HTRA4: variants seen among roughly 807,000 people sequenced by gnomAD.
HTRA4 encodes HtrA serine peptidase 4, also known as serine protease HTRA4.
A neutral mutation model predicts 49.1 loss-of-function variants in HTRA4; 46 were observed. That is an observed-to-expected ratio of 0.94 (90% CI 0.74 to 1.20). The LOEUF (loss-of-function observed/expected upper bound fraction) is 1.20, where lower values mean the gene tolerates loss of function less well. Among genes scored for constraint, HTRA4 ranks in the 50% most tolerant of loss-of-function variants. HTRA4 has a pLI of 0.00. For synonymous variants in HTRA4, 261 were observed against 264.0 expected (o/e 0.99, Z 0.11); for missense variants, 602 against 636.9 (o/e 0.95, Z 0.59).
chr8:38,977,026 C>T (rs1018146549), intron 3 of HTRA4, among the ~76,000 whole-genome samples: 2 of 152,152 alleles, frequency 1.3e-5, no homozygotes, highest in East Asian at 3.9e-4. Context: ...ACCTCTGCCT[C>T]CTGGGTTCAA....
intron 3 of HTRA4, 68 bp from the exon 4 acceptor site, chr8:38,977,885 G>T: frequency 1.3e-6 from 2 of 1,520,618 alleles, no homozygotes; most frequent in Non-Finnish European, 1.8e-6. Context: ...CACACACTTT[G>T]GTCAATTCTG....
chr8:38,985,051 AG>A (rs1835468095), intron 8 of HTRA4, among the ~76,000 whole-genome samples: 1 of 152,232 alleles, frequency 6.6e-6, no homozygotes, highest in Non-Finnish European at 1.5e-5. Context: ...AGCTTCCAAA[AG>A]AAGGTTCTCC....
Position 38,974,236 on chromosome 8 carries a change from T to C in HTRA4, c.-28T>C. On this transcript the variant is annotated 5_prime_UTR_variant, in exon 1 of 9. Coordinates refer to ENST00000302495, the MANE Select transcript of HTRA4 (RefSeq NM_153692.4). ...GTTTGCAGGTCCAGAGTAAAGTCAC[T>C]GAAGAGTGGAAGCGAGGAAGGAACA... 6.2e-7 allele frequency: 1 copy of C among 1,609,946 alleles called. No homozygotes were observed. The highest frequency in any genetic ancestry group is 2.2e-5 in the East Asian group (1 of 44,798).
intron 3 of HTRA4, 50 bp from the exon 4 acceptor site, chr8:38,977,903 T>G: frequency 1.3e-6 from 2 of 1,580,726 alleles, no homozygotes; most frequent in Non-Finnish European, 1.7e-6. Context: ...CTGATCGTGA[T>G]TTGTTCTTTA....
At position 38,974,654 on chromosome 8, in the gene HTRA4, G is replaced by T. The variant is rs62504412; in HGVS notation, c.391G>T (p.Ala131Ser). The change falls in exon 1 of 9, where the codon GCC (alanine) becomes TCC (serine). Residue 131 changes from alanine to serine, a missense_variant. Transcript: ENST00000302495. ...RTYPSMCALR[A>S]ENRAARRLGK... ...CTACCCCAGCATGTGCGCGCTCCGGGCCGAAAACCGCGCCGCGCGCCGCCT... is the reference window on the plus strand; with the variant it reads ...CTACCCCAGCATGTGCGCGCTCCGGTCCGAAAACCGCGCCGCGCGCCGCCT... The T allele has an allele frequency of 1.4e-6, 2 of 1,402,602 alleles. No homozygotes were observed. The highest frequency in any genetic ancestry group is 1.8e-6 in the Non-Finnish European group (2 of 1,087,960). The allele number at this position is 1,402,602 out of a possible 1,614,324, so 86.9% of individuals were successfully genotyped here.
rs1412871321 is a variant in HTRA4, at chr8:38,974,636, A to T, written c.373A>T (p.Ser125Cys). ...VCGSDRRTYP[S>C]MCALRAENRA... ...CGGCAGCGACAGGCGCACCTACCCC[A>T]GCATGTGCGCGCTCCGGGCCGAAAA... The change falls in exon 1 of 9, where the codon AGC becomes TGC. Residue 125 changes from serine (S) to cysteine (C), a missense_variant. Ser to Cys is a moderately radical substitution (Grantham distance 112, BLOSUM62 -1). Coordinates refer to ENST00000302495, the MANE Select transcript of HTRA4 (RefSeq NM_153692.4). 3.5e-6 allele frequency: 5 copies of T among 1,415,046 alleles called. No individual in the cohort carries two copies. The highest frequency in any genetic ancestry group is 1.5e-5 in the South Asian group (1 of 65,768). The allele number at this position is 1,415,046 out of a possible 1,614,324, so 87.7% of individuals were successfully genotyped here.
intron 8 of HTRA4, among the ~76,000 whole-genome samples, chr8:38,985,469 TA>T (rs781351125): frequency 2.3e-4 from 35 of 152,348 alleles, no homozygotes; most frequent in Non-Finnish European, 4.4e-4. Flanking sequence ...TGTACTTCTT[TA>T]TTATCCCTTT....
chr8:38,984,730 G>A (rs926436467), intron 8 of HTRA4, among the ~76,000 whole-genome samples: 1 of 151,896 alleles, frequency 6.6e-6, no homozygotes, highest in Non-Finnish European at 1.5e-5. Flanking sequence ...GCCTGGGCAA[G>A]AAAGCGAGAC....
chr8:38,981,141 G>A (rs1156581961), intron 5 of HTRA4, among the ~76,000 whole-genome samples: 3 of 129,682 alleles, frequency 2.3e-5, no homozygotes, highest in South Asian at 2.6e-4. Flanking sequence ...GTGCAGTGGC[G>A]CGATCTCGGC....
chr8:38,980,843 T>C (rs913401070), intron 5 of HTRA4, among the ~76,000 whole-genome samples: 3 of 152,160 alleles, frequency 2.0e-5, no homozygotes, highest in Non-Finnish European at 4.4e-5. Flanking sequence ...TTCTACCTCA[T>C]ACCTTTAGCT....
chr8:38,974,877 CT>C, intron 1 of HTRA4, 148 bp downstream of exon 1: 1 of 1,198,358 alleles, frequency 8.3e-7, no homozygotes, highest in Non-Finnish European at 1.2e-6. Flanking sequence ...TCCTGATTTC[CT>C]TTCCTCCTTA....
Position 38,974,233 on chromosome 8 carries a change from C to A in HTRA4, c.-31C>A. On this transcript the variant is annotated 5_prime_UTR_variant, in exon 1 of 9. Transcript: ENST00000302495. ...AGGGTTTGCAGGTCCAGAGTAAAGT[C>A]ACTGAAGAGTGGAAGCGAGGAAGGA... is the stretch of plus-strand genomic sequence containing the variant. The A allele has an allele frequency of 6.2e-7, 1 of 1,607,628 alleles. No individual in the cohort carries two copies. Among genetic ancestry groups the A allele is most frequent in the South Asian group, 1.1e-5 (1 of 90,304 alleles).
chr8:38,987,351 G>A (rs1835494427), intron 8 of HTRA4, among the ~76,000 whole-genome samples: 1 of 152,126 alleles, frequency 6.6e-6, no homozygotes, highest in Non-Finnish European at 1.5e-5. Context: ...TTGGAGAAAA[G>A]GAGCCTAGAG....
At chr8:38,980,312 T>C (rs996495709) in intron 5 of HTRA4, among the ~76,000 whole-genome samples, 2 of 152,190 alleles carry the variant, frequency 1.3e-5, no homozygotes, top group Admixed American at 1.3e-4. Context: ...ATGTCATTTT[T>C]CTTTGTTTTG....
At chr8:38,980,298 T>C (rs1431001736) in intron 5 of HTRA4, among the ~76,000 whole-genome samples, 4 of 152,188 alleles carry the variant, frequency 2.6e-5, no homozygotes, top group African/African-American at 9.6e-5. Flanking sequence ...ACTCATAGCA[T>C]TGCATGTCAT....
At chr8:38,981,819 G>A (rs201508829) in intron 6 of HTRA4, 52 bp downstream of exon 6, 57 of 1,261,944 alleles carry the variant, frequency 4.5e-5, no homozygotes, top group Non-Finnish European at 9.2e-6. Flanking sequence ...TGCTTTTCAG[G>A]AACACTCAAT....
chr8:38,981,358 C>T (rs1835421930), intron 5 of HTRA4, among the ~76,000 whole-genome samples: 1 of 151,956 alleles, frequency 6.6e-6, no homozygotes, highest in Non-Finnish European at 1.5e-5. Flanking sequence ...GGATTACAGG[C>T]GTGAGCCACT....
rs1259462480 is a variant in HTRA4 at position 38,988,040 on chromosome 8, C to T, written c.1373C>T (p.Ala458Val). The change falls in exon 9 of 9, where the codon GCT (alanine) becomes GTT (valine). Residue 458 changes from alanine (A) to valine (V), a missense_variant. By Grantham distance (64) the Ala-to-Val change is moderately conservative. Coordinates refer to ENST00000302495, the MANE Select transcript of HTRA4 (RefSeq NM_153692.4). The stretch of plus-strand genomic sequence containing the variant: ...CTTGACAGTGATTCCCTTTCCATGG[C>T]TGTTCTTCGGGGAAAAGATAATTTG... The part of the protein sequence containing the change: ...KALDSDSLSM[A>V]VLRGKDNLLL... 6.2e-7 allele frequency: 1 copy of T among 1,611,840 alleles called. No individual in the cohort carries two copies.
Position 38,974,631 on chromosome 8 carries a change from A to AC in HTRA4, c.372dup (p.Ser125GlnfsTer85). Reference sequence around the variant, plus strand: ...GTGTGCGGCAGCGACAGGCGCACCTACCCCAGCATGTGCGCGCTCCGGGCC... The same window carrying AC: ...GTGTGCGGCAGCGACAGGCGCACCTACCCCCAGCATGTGCGCGCTCCGGGCC... On this transcript the variant is annotated frameshift_variant, in exon 1 of 9. Transcript: ENST00000302495. LOFTEE classifies it high-confidence loss of function. 7.0e-7 allele frequency: 1 copy of AC among 1,422,576 alleles called. No individual in the cohort carries two copies. Among genetic ancestry groups the AC allele is most frequent in the Non-Finnish European group, 9.1e-7 (1 of 1,096,102 alleles). 88.1% of individuals were successfully genotyped at this position (1,422,576 alleles called of 1,614,324 possible).
Sources: allele counts gnomAD v4.1 joint callset (sites outside exome capture counted in the v4.1 genomes callset), GRCh38; gene constraint gnomAD v4.1.1; transcripts MANE v1.5; gene names NCBI Gene and HGNC (gene_info 2026-07-23, HGNC 2026-07-21).